Variants in ARL10 observed in about 807,000 individuals in gnomAD.
The protein encoded by ARL10 is ARF like GTPase 10.
A neutral mutation model predicts 26.1 loss-of-function variants in ARL10; 23 were observed. That is an observed-to-expected ratio of 0.88 (90% confidence interval 0.63 to 1.25). ARL10 has a LOEUF of 1.25. Ranked by LOEUF, ARL10 falls within the 50% of genes most tolerant of loss-of-function variation. ARL10 has a pLI of 0.00. For missense variants in ARL10, 300 were observed against 323.6 expected (o/e 0.93, Z 0.56); for synonymous variants, 138 against 149.1 (o/e 0.93, Z 0.54).
At chr5:176,367,156 C>G (rs891338604) in intron 2 of ARL10, among the ~76,000 whole-genome samples, 1 of 151,802 alleles carries the variant, frequency 6.6e-6, no homozygotes, top group South Asian at 2.1e-4. Context: ...TACAGGCGCC[C>G]GCCACCACGC....
intron 1 of ARL10, among the ~76,000 whole-genome samples, chr5:176,398,778 C>T (rs1381233630): frequency 2.0e-5 from 3 of 151,944 alleles, no homozygotes; most frequent in African/African-American, 7.3e-5. Context: ...CTTGTGTTAC[C>T]GTCATTAAAA....
chr5:176,412,154 C>T, the ARL10 span, among the ~76,000 whole-genome samples: 6,691 of 139,450 alleles, frequency 0.048, 517 homozygotes, highest in African/African-American at 0.17. Flanking sequence ...CCAGCCTGGG[C>T]GACAGAGTGA....
chr5:176,387,147 A>C (rs1343619611), intron 1 of ARL10, among the ~76,000 whole-genome samples: 1 of 151,554 alleles, frequency 6.6e-6, no homozygotes. Context: ...GCAGTGGCAC[A>C]ATCTTGGTTG....
At chr5:176,389,480 A>T, downstream of ARL10, 1 of 1,613,722 alleles carries the variant, frequency 6.2e-7, no homozygotes, top group Non-Finnish European at 8.5e-7. Flanking sequence ...TGTCACTGCT[A>T]TGAAGTCTCG....
downstream of ARL10, chr5:176,385,223 T>G: frequency 6.3e-7 from 1 of 1,591,808 alleles, no homozygotes; most frequent in Non-Finnish European, 8.6e-7. Context: ...CCGCTCACCT[T>G]ATAGTCCTCC....
Position 176,374,722 on chromosome 5 carries a change from A to G in ARL10, c.*2827A>G, listed in dbSNP as rs946911157. The G allele has an allele frequency of 5.3e-5, 8 of 152,232 alleles. No individual in the cohort carries two copies. Among genetic ancestry groups the G allele is most frequent in the African/African-American group, 1.7e-4 (7 of 41,456 alleles). The allele number at this position is 152,232 out of a possible 1,614,324, so 9.4% of individuals were successfully genotyped here. On this transcript the variant is annotated 3_prime_UTR_variant, in exon 4 of 4. Transcript: ENST00000310389. The stretch of plus-strand genomic sequence containing the variant: ...TTTGATTTTTTAGTTAGCTTTTGGT[A>G]ACACAAGTCATGGTGATTGGGATAC...
chr5:176,402,811 G>C (rs1383081294), downstream of ARL10, among the ~76,000 whole-genome samples: 5 of 152,192 alleles, frequency 3.3e-5, no homozygotes, highest in African/African-American at 1.2e-4. Flanking sequence ...CAGATAAAGA[G>C]AGTGGGGAAG....
intron 1 of ARL10, chr5:176,396,419 A>AT (rs1756521311): frequency 2.1e-6 from 3 of 1,414,086 alleles, no homozygotes; most frequent in Middle Eastern, 1.8e-4. Context: ...GAAACTCAAG[A>AT]AACTGTGGTG....
the ARL10 span, among the ~76,000 whole-genome samples, chr5:176,412,021 A>T: frequency 6.6e-6 from 1 of 151,744 alleles, no homozygotes; most frequent in South Asian, 2.1e-4. Flanking sequence ...CTAAAAATAC[A>T]AAAAATTAGC....
At chr5:176,366,651 G>C in intron 2 of ARL10, 70 bp downstream of exon 2, 1 of 1,553,632 alleles carries the variant, frequency 6.4e-7, no homozygotes, top group Non-Finnish European at 8.8e-7. Context: ...TGCAGGGAAG[G>C]GGGCTTCCAA....
chr5:176,389,289 G>T (rs376340619), downstream of ARL10: 3 of 1,585,640 alleles, frequency 1.9e-6, no homozygotes, highest in Non-Finnish European at 2.6e-6. Flanking sequence ...TGACCTGCGG[G>T]GCCCGACCTG....
At chr5:176,384,276 T>C (rs763159132), downstream of ARL10, 1 of 1,614,246 alleles carries the variant, frequency 6.2e-7, no homozygotes, top group South Asian at 1.1e-5. Context: ...CGAGGAAGTC[T>C]TGCCACTCTG....
downstream of ARL10, chr5:176,385,228 T>A: frequency 2.5e-6 from 4 of 1,598,260 alleles, no homozygotes; most frequent in Non-Finnish European, 3.4e-6. Flanking sequence ...CACCTTATAG[T>A]CCTCCCCGTG....
intron 3 of ARL10, among the ~76,000 whole-genome samples, chr5:176,371,439 G>A (rs1414184508): frequency 6.6e-6 from 1 of 152,234 alleles, no homozygotes; most frequent in Non-Finnish European, 1.5e-5. Context: ...AGCCCAGGGT[G>A]AGGGAGAGAG....
chr5:176,371,248 A>ATG (rs879265022), intron 3 of ARL10, among the ~76,000 whole-genome samples: 294 of 152,136 alleles, frequency 1.9e-3, no homozygotes, highest in Non-Finnish European at 2.6e-3. Context: ...GGTGGCTCAC[A>ATG]CCTGTAGTCC....
At chr5:176,383,557 T>C, downstream of ARL10, among the ~76,000 whole-genome samples, 1 of 152,180 alleles carries the variant, frequency 6.6e-6, no homozygotes, top group Non-Finnish European at 1.5e-5. Flanking sequence ...GAGGCCAACA[T>C]AAGCAATCCA....
At chr5:176,365,823 C>T in intron 1 of ARL10, 77 bp downstream of exon 1, 1 of 1,221,270 alleles carries the variant, frequency 8.2e-7, no homozygotes, top group Non-Finnish European at 1.0e-6. Flanking sequence ...AGGGGTGTGA[C>T]CACGGAACGG....
intron 3 of ARL10, 37 bp from the exon 4 acceptor site, chr5:176,371,685 G>A (rs907794911): frequency 1.3e-6 from 2 of 1,589,244 alleles, no homozygotes; most frequent in Non-Finnish European, 1.7e-6. Flanking sequence ...GTTAGGAAAT[G>A]CTGCCAGCTG....
intron 2 of ARL10, among the ~76,000 whole-genome samples, chr5:176,367,125 A>G (rs1436993746): frequency 2.7e-5 from 4 of 147,230 alleles, no homozygotes; most frequent in Non-Finnish European, 5.9e-5. Context: ...CTCCAGCTTC[A>G]GCCTCCTGAG....
Sources: gnomAD v4.1 joint callset for allele counts (sites outside exome capture counted in the v4.1 genomes callset) on GRCh38, gnomAD v4.1.1 for gene constraint, MANE v1.5 for transcripts, NCBI Gene and HGNC (gene_info 2026-07-23, HGNC 2026-07-21) for gene names.